CLCA2: variants seen among roughly 807,000 people sequenced by gnomAD.
CLCA2 encodes calcium-activated chloride channel regulator 2.
A neutral mutation model predicts 82.9 loss-of-function variants in CLCA2; 85 were observed. The observed-to-expected ratio is 1.03, with a 90% CI of 0.86 to 1.23. The LOEUF is 1.23. Among genes scored for constraint, CLCA2 ranks in the 50% most tolerant of loss-of-function variants. CLCA2 has a pLI of 0.00. For missense variants in CLCA2, 1,089 were observed against 1,124.8 expected (o/e 0.97, Z 0.45); for synonymous variants, 421 against 391.7 (o/e 1.07, Z -0.88).
At position 86,440,236 on chromosome 1, in the gene CLCA2, C is replaced by T. The variant is rs753056318; in HGVS notation, c.1292C>T (p.Pro431Leu). 6.2e-7 allele frequency: 1 copy of T among 1,614,054 alleles called. No homozygotes were observed. Among genetic ancestry groups the T allele is most frequent in the Non-Finnish European group, 8.5e-7 (1 of 1,179,976 alleles). ...GATAAGCTTCTTGGCAATTGCTTAC[C>T]CACTGTGCTCAGCAGTGGTTCAACA... ...GDDKLLGNCL[P>L]TVLSSGSTIH... The change falls in exon 8 of 14, where the codon CCC becomes CTC. Residue 431 changes from proline (P) to leucine (L), a missense_variant. Pro to Leu is a moderately conservative substitution (Grantham distance 98). Coordinates refer to ENST00000370565, the MANE Select transcript of CLCA2 (RefSeq NM_006536.7).
At chr1:86,440,076 G>C (rs11161835) in intron 7 of CLCA2, 72 bp from the exon 8 acceptor site, 83,658 of 1,469,528 alleles carry the variant, frequency 0.057, 2,737 homozygotes, top group Middle Eastern at 0.096. Flanking sequence ...ATTTGGATGA[G>C]AGTGAATTCT....
At chr1:86,454,157 G>T (rs1215871906) in intron 13 of CLCA2, among the ~76,000 whole-genome samples, 2 of 152,028 alleles carry the variant, frequency 1.3e-5, no homozygotes, top group Non-Finnish European at 2.9e-5. Flanking sequence ...TTAACTTTGA[G>T]GTTTCTGCCT....
At chr1:86,446,393 G>A (rs1395619141) in intron 10 of CLCA2, among the ~76,000 whole-genome samples, 1 of 151,790 alleles carries the variant, frequency 6.6e-6, no homozygotes, top group African/African-American at 2.4e-5. Flanking sequence ...TTTCACACCT[G>A]TGTATAAGGG....
At chr1:86,428,859 T>C (rs1662441137) in intron 3 of CLCA2, among the ~76,000 whole-genome samples, 1 of 152,068 alleles carries the variant, frequency 6.6e-6, no homozygotes, top group African/African-American at 2.4e-5. Context: ...GTCTTCAAGA[T>C]TGAACATCAT....
intron 10 of CLCA2, among the ~76,000 whole-genome samples, chr1:86,446,334 C>A (rs1662853537): frequency 6.7e-6 from 1 of 149,028 alleles, no homozygotes; most frequent in Admixed American, 6.8e-5. Context: ...CTCTTAACTT[C>A]TTCGATGCTC....
chr1:86,450,608 T>A lies in CLCA2; in HGVS notation c.2030T>A (p.Phe677Tyr), dbSNP rs569050783. The A allele has an allele frequency of 4.8e-5, 77 of 1,613,214 alleles. 2 individuals are homozygous for A. In the South Asian group the frequency reaches 8.3e-4, roughly 17 times the overall value. ...KNDGIYSRYF[F>Y]SFAANGRYSL... ...GATGGAATTTACTCGAGGTATTTTT[T>A]CTCCTTTGCTGCAAATGGTAGATAT... The change falls in exon 12 of 14, where the codon TTC becomes TAC. Residue 677 changes from phenylalanine (F) to tyrosine (Y), a missense_variant. Coordinates refer to ENST00000370565, the MANE Select transcript of CLCA2 (RefSeq NM_006536.7).
chr1:86,430,417 G>GA (rs1274983776), intron 3 of CLCA2, among the ~76,000 whole-genome samples: 1 of 152,148 alleles, frequency 6.6e-6, no homozygotes, highest in East Asian at 1.9e-4. Flanking sequence ...TTACCTGCAA[G>GA]AAAAAAAGCA....
At chr1:86,426,476 C>T (rs1662389328) in intron 2 of CLCA2, among the ~76,000 whole-genome samples, 1 of 152,064 alleles carries the variant, frequency 6.6e-6, no homozygotes, top group African/African-American at 2.4e-5. Context: ...AGTTAAAGAG[C>T]CTGTGAAAAG....
intron 13 of CLCA2, among the ~76,000 whole-genome samples, chr1:86,453,916 A>T (rs1198555731): frequency 2.0e-5 from 3 of 152,162 alleles, no homozygotes; most frequent in Non-Finnish European, 4.4e-5. Context: ...ACTGGAAGTG[A>T]TTCATTTTCT....
intron 6 of CLCA2, 137 bp from the exon 7 acceptor site, chr1:86,438,727 CTAATATTATGTT>C: frequency 1.5e-6 from 1 of 656,746 alleles, no homozygotes; most frequent in Non-Finnish European, 2.6e-6. Flanking sequence ...AAACAATATT[CTAATATTATGTT>C]ACTCTTTAAA....
At chr1:86,446,954 G>A (rs1662866010) in intron 10 of CLCA2, among the ~76,000 whole-genome samples, 1 of 152,104 alleles carries the variant, frequency 6.6e-6, no homozygotes, top group South Asian at 2.1e-4. Flanking sequence ...AAAAATAGTA[G>A]GTCCTTTTCT....
intron 1 of CLCA2, among the ~76,000 whole-genome samples, chr1:86,424,681 G>A (rs1326586268): frequency 6.6e-6 from 1 of 152,086 alleles, no homozygotes; most frequent in Non-Finnish European, 1.5e-5. Flanking sequence ...ACTAATTTCA[G>A]CTCTTTTGTT....
At chr1:86,430,841 C>CAA (rs1450745391) in intron 3 of CLCA2, 21 bp from the exon 4 acceptor site, 1 of 1,600,152 alleles carries the variant, frequency 6.2e-7, no homozygotes, top group African/African-American at 1.3e-5. Context: ...AGCTCAAAAG[C>CAA]AAAAGTTCTT....
chr1:86,448,808 C>T (rs1158820291), intron 11 of CLCA2, among the ~76,000 whole-genome samples: 1 of 152,208 alleles, frequency 6.6e-6, no homozygotes, highest in Non-Finnish European at 1.5e-5. Flanking sequence ...GGATTGGATC[C>T]AAATGAACTT....
At position 86,432,393 on chromosome 1, in the gene CLCA2, T is replaced by C. The variant is rs773266316; in HGVS notation, c.609T>C (p.Ile203=). ...GGTGTTCATCTGACATCACAGGCAT[T>C]TTTGTGTGTGAAAAAGGTCCTTGCC... ...VTRCSSDITG[I]FVCEKGPCPQ... Residue 203 remains isoleucine, a synonymous_variant, in exon 5 of 14, where the codon ATT becomes ATC. Coordinates refer to ENST00000370565, the MANE Select transcript of CLCA2 (RefSeq NM_006536.7). The C allele has an allele frequency of 6.2e-7, 1 of 1,613,958 alleles. No individual in the cohort carries two copies. The highest frequency in any genetic ancestry group is 8.5e-7 in the Non-Finnish European group (1 of 1,179,964).
chr1:86,447,873 T>C (rs1662887888), intron 11 of CLCA2, 95 bp downstream of exon 11: 2 of 1,308,312 alleles, frequency 1.5e-6, no homozygotes, highest in South Asian at 3.1e-5. Flanking sequence ...TAAGATTCCT[T>C]GAGTTCAATT....
rs369158144 is a variant in CLCA2 at position 86,447,753 on chromosome 1, G to A, written c.1959G>A (p.Thr653=). 24 of 1,613,152 alleles carry A rather than the reference G, an allele frequency of 1.5e-5. No individual in the cohort carries two copies. Among genetic ancestry groups the A allele is most frequent in the East Asian group, 8.9e-5 (4 of 44,884 alleles). The change falls in exon 11 of 14, where the codon ACG becomes ACA. Residue 653 remains threonine (T), a synonymous_variant. Transcript: ENST00000370565. ...TVEPETGDPV[T]LRLLDDGAGA... ...AGCCAGAGACTGGAGATCCTGTTAC[G>A]CTGAGACTCCTTGATGATGGAGCAG...
chr1:86,428,922 G>A (rs1662441815), intron 3 of CLCA2, among the ~76,000 whole-genome samples: 1 of 152,188 alleles, frequency 6.6e-6, no homozygotes, highest in Non-Finnish European at 1.5e-5. Context: ...GAAGAAAACT[G>A]TGGCAGCAGA....
At chr1:86,434,379 A>C in intron 5 of CLCA2, 139 bp from the exon 6 acceptor site, 3 of 649,492 alleles carry the variant, frequency 4.6e-6, no homozygotes, top group Non-Finnish European at 7.9e-6. Context: ...TCTTGAAGGA[A>C]AGAGGTATAT....
Sources: gnomAD v4.1 joint callset for allele counts (sites outside exome capture counted in the v4.1 genomes callset) on GRCh38, gnomAD v4.1.1 for gene constraint, MANE v1.5 for transcripts, NCBI Gene and HGNC (gene_info 2026-07-23, HGNC 2026-07-21) for gene names.